The following AGBL4 variants were observed in gnomAD, a reference collection of about 807,000 sequenced individuals.
The protein encoded by AGBL4 is cytosolic carboxypeptidase 6.
In AGBL4, 58 loss-of-function variants were observed where a neutral mutation model predicts 66.4. That is an observed-to-expected ratio of 0.87 (90% CI 0.71 to 1.09). AGBL4 has a LOEUF of 1.09. Ranked by LOEUF, AGBL4 falls within the 50% of genes least tolerant of loss-of-function variation. The probability of loss-of-function intolerance (pLI) is 0.00; values close to 1 mark genes in which losing one functional copy is unlikely to be tolerated. For synonymous variants in AGBL4, 234 were observed against 222.9 expected (o/e 1.05, Z -0.44); for missense variants, 579 against 631.0 (o/e 0.92, Z 0.88).
chr1:49,506,082 C>T (rs1233202086), intron 3 of AGBL4, among the ~76,000 whole-genome samples: 1 of 151,824 alleles, frequency 6.6e-6, no homozygotes, highest in Non-Finnish European at 1.5e-5. Flanking sequence ...TTGTATCTCT[C>T]TCAGGGAAAC....
At position 48,904,163 on chromosome 1, in the gene AGBL4, C is replaced by T. The variant is rs148044647; in HGVS notation, c.595-36933G>A. Among the ~76,000 whole-genome samples the T allele has an allele frequency of 1.4e-3, 214 of 152,034 alleles. 1 individual carries two copies. Among genetic ancestry groups the T allele is most frequent in the African/African-American group, 4.9e-3 (204 of 41,430 alleles). ...GTGTAGTGGTGGGCGCCTGTAATCC[C>T]AGCTACTCGGGAGGTTGAGGCAGGA... On this transcript the variant is annotated intron_variant, in intron 5 of 13. Transcript: ENST00000371839.
intron 3 of AGBL4, among the ~76,000 whole-genome samples, chr1:49,516,323 CAGCCTG>C (rs1356124387): frequency 6.6e-6 from 1 of 151,970 alleles, no homozygotes; most frequent in Non-Finnish European, 1.5e-5. Context: ...ACAACTAATT[CAGCCTG>C]GAAGATCAAG....
intron 1 of AGBL4, among the ~76,000 whole-genome samples, chr1:49,937,444 T>C (rs1415298622): frequency 5.9e-5 from 9 of 151,752 alleles, no homozygotes. Context: ...GACAGAAAGT[T>C]AACAAGGATA....
chr1:48,591,657 T>C (rs1452585795), intron 9 of AGBL4, among the ~76,000 whole-genome samples: 1 of 152,248 alleles, frequency 6.6e-6, no homozygotes, highest in East Asian at 1.9e-4. Context: ...AACAGCATTC[T>C]TGGAACTTTA....
At chr1:49,877,383 T>C (rs1203589328) in intron 1 of AGBL4, among the ~76,000 whole-genome samples, 14 of 152,114 alleles carry the variant, frequency 9.2e-5, no homozygotes, top group Non-Finnish European at 1.8e-4. Flanking sequence ...TGTTGAATTC[T>C]GTCAAAGGCT....
intron 4 of AGBL4, among the ~76,000 whole-genome samples, chr1:49,228,471 C>G (rs1335640973): frequency 6.6e-6 from 1 of 152,056 alleles, no homozygotes; most frequent in Non-Finnish European, 1.5e-5. Context: ...GGGTAGATGC[C>G]ATTGAGGATA....
At chr1:49,134,232 C>T (rs145817574) in intron 4 of AGBL4, among the ~76,000 whole-genome samples, 15 of 152,154 alleles carry the variant, frequency 9.9e-5, no homozygotes, top group African/African-American at 2.7e-4. Flanking sequence ...AAGGTCAGGG[C>T]GAGACCACGA....
intron 2 of AGBL4, among the ~76,000 whole-genome samples, chr1:49,722,995 T>C (rs7515087): frequency 0.021 from 3,261 of 152,180 alleles, 130 homozygotes; most frequent in African/African-American, 0.075. Context: ...CTACACTGAG[T>C]GTCGCCACCA....
At chr1:48,689,219 A>AAAGAAAAG (rs1408835534) in intron 6 of AGBL4, among the ~76,000 whole-genome samples, 24 of 141,578 alleles carry the variant, frequency 1.7e-4, no homozygotes, top group African/African-American at 6.5e-4. Context: ...AAAAAAAAAA[A>AAAGAAAAG]AAAAGAAAAG....
chr1:49,951,075 G>A (rs777921867), intron 1 of AGBL4, among the ~76,000 whole-genome samples: 1 of 151,826 alleles, frequency 6.6e-6, no homozygotes, highest in Admixed American at 6.6e-5. Context: ...CCAGGGGATG[G>A]GGGGGATAGA....
chr1:49,422,823 A>G (rs1288421560), intron 3 of AGBL4, among the ~76,000 whole-genome samples: 1 of 152,074 alleles, frequency 6.6e-6, no homozygotes, highest in East Asian at 1.9e-4. Flanking sequence ...TTCTTCTCCC[A>G]TAATTCCTGT....
chr1:49,264,324 C>A (rs1352036592), intron 3 of AGBL4, among the ~76,000 whole-genome samples: 2 of 152,004 alleles, frequency 1.3e-5, no homozygotes, highest in African/African-American at 4.8e-5. Flanking sequence ...ATTTAAATAA[C>A]TTTAATTCAT....
chr1:49,117,061 TG>T (rs1019308642), intron 4 of AGBL4, among the ~76,000 whole-genome samples: 12 of 151,876 alleles, frequency 7.9e-5, no homozygotes, highest in African/African-American at 2.9e-4. Flanking sequence ...CACTTTTTGA[TG>T]GGGTTTTTTT....
intron 1 of AGBL4, among the ~76,000 whole-genome samples, chr1:49,893,331 A>T (rs1441737919): frequency 6.6e-6 from 1 of 152,028 alleles, no homozygotes; most frequent in South Asian, 2.1e-4. Flanking sequence ...CAAATTTAAC[A>T]ACTATCTACA....
intron 5 of AGBL4, among the ~76,000 whole-genome samples, chr1:48,909,354 A>G (rs1007190708): frequency 3.3e-5 from 5 of 152,226 alleles, no homozygotes; most frequent in African/African-American, 1.2e-4. Context: ...TGAAAGGATT[A>G]AAGGCAAACT....
chr1:49,985,354 G>A (rs1572012322), intron 1 of AGBL4, among the ~76,000 whole-genome samples: 1 of 152,258 alleles, frequency 6.6e-6, no homozygotes, highest in Non-Finnish European at 1.5e-5. Flanking sequence ...GCTAGAGAGA[G>A]CTCAAGAAAT....
chr1:48,837,711 C>CACTATATATATATATATATATA (rs1471719980), intron 6 of AGBL4, among the ~76,000 whole-genome samples: 1 of 82,296 alleles, frequency 1.2e-5, no homozygotes, highest in Non-Finnish European at 2.4e-5. Context: ...CACACACACA[C>CACTATATATATATATATATATA]TATATATATA....
At chr1:49,469,309 T>C (rs891197224) in intron 3 of AGBL4, among the ~76,000 whole-genome samples, 1 of 151,808 alleles carries the variant, frequency 6.6e-6, no homozygotes, top group African/African-American at 2.4e-5. Flanking sequence ...AATTATTTTT[T>C]CCAGTATTAT....
At chr1:49,099,305 C>A (rs115731806) in intron 4 of AGBL4, among the ~76,000 whole-genome samples, 22 of 152,222 alleles carry the variant, frequency 1.4e-4, no homozygotes, top group Non-Finnish European at 2.9e-4. Context: ...AAGTTCAGGT[C>A]TGAAAATAAT....
Sources: allele counts gnomAD v4.1 joint callset (sites outside exome capture counted in the v4.1 genomes callset), GRCh38; gene constraint gnomAD v4.1.1; transcripts MANE v1.5; gene names NCBI Gene and HGNC (gene_info 2026-07-23, HGNC 2026-07-21).